The following UVRAG variants were observed in gnomAD, a reference collection of about 807,000 sequenced individuals.
UVRAG encodes UV radiation resistance-associated gene protein.
A neutral mutation model predicts 78.0 loss-of-function variants in UVRAG; 19 were observed. That is an observed-to-expected ratio of 0.24 (90% confidence interval 0.17 to 0.36). The LOEUF (loss-of-function observed/expected upper bound fraction) is 0.36, where lower values mean the gene tolerates loss of function less well. Among genes scored for constraint, UVRAG ranks in the 10% least tolerant of loss-of-function variants. UVRAG has a pLI of 1.00. For synonymous variants in UVRAG, 323 were observed against 324.6 expected (o/e 1.00, Z 0.05); for missense variants, 740 against 853.8 (o/e 0.87, Z 1.66).
At chr11:76,053,304 TCAAAA>T (rs774022468) in intron 12 of UVRAG, among the ~76,000 whole-genome samples, 1 of 128,060 alleles carries the variant, frequency 7.8e-6, no homozygotes, top group Non-Finnish European at 1.6e-5. Flanking sequence ...AGACTCTGTC[TCAAAA>T]CACACACACA....
rs555962032 is a variant in UVRAG, at chr11:76,091,888, G to A, written c.1306-24036G>A. ...CTAGGGTACATGTCCACAACGTGCAGGTTTGTTACATATGTATACATGTGC... is the reference window on the plus strand; with the variant it reads ...CTAGGGTACATGTCCACAACGTGCAAGTTTGTTACATATGTATACATGTGC... On this transcript the variant is annotated intron_variant, in intron 13 of 14. Transcript: ENST00000356136. Among the ~76,000 whole-genome samples, 7 of 151,898 alleles carry A rather than the reference G, an allele frequency of 4.6e-5. No individual in the cohort carries two copies. The East Asian group carries it at 1.4e-3, about 29-fold the overall frequency.
chr11:75,905,746 T>G (rs182123721), intron 5 of UVRAG, among the ~76,000 whole-genome samples: 1 of 152,332 alleles, frequency 6.6e-6, no homozygotes. Context: ...TTTTGACTGT[T>G]GTGAATAGTG....
intron 13 of UVRAG, among the ~76,000 whole-genome samples, chr11:76,066,493 G>A: frequency 6.6e-6 from 1 of 151,714 alleles, no homozygotes; most frequent in Admixed American, 6.6e-5. Flanking sequence ...TTGTTTTTGA[G>A]ATGGAGTCTT....
At chr11:76,029,105 TA>T (rs1950387496) in intron 12 of UVRAG, among the ~76,000 whole-genome samples, 1 of 152,182 alleles carries the variant, frequency 6.6e-6, no homozygotes, top group Admixed American at 6.6e-5. Flanking sequence ...TGATGCTAAC[TA>T]TACTCTGTGT....
chr11:76,140,061 C>T (rs1441633491), intron 14 of UVRAG, among the ~76,000 whole-genome samples: 1 of 20,854 alleles, frequency 4.8e-5, no homozygotes, highest in African/African-American at 2.2e-4. Context: ...CTCTCTCTCT[C>T]CCTCCCTCCC....
intron 7 of UVRAG, among the ~76,000 whole-genome samples, chr11:75,979,041 C>G (rs1949324431): frequency 6.6e-6 from 1 of 152,192 alleles, no homozygotes; most frequent in East Asian, 1.9e-4. Context: ...TGGTGACGTA[C>G]AGATGGGGTT....
chr11:75,991,231 T>TTTCATCTTCTGTGAAAAGAC (rs1949600364), intron 8 of UVRAG, among the ~76,000 whole-genome samples: 1 of 152,212 alleles, frequency 6.6e-6, no homozygotes, highest in Admixed American at 6.5e-5. Context: ...CTTCAAAAGA[T>TTTCATCTTCTGTGAAAAGAC]TTCATCTTCT....
At chr11:75,905,193 T>C (rs1947588547) in intron 5 of UVRAG, among the ~76,000 whole-genome samples, 1 of 152,222 alleles carries the variant, frequency 6.6e-6, no homozygotes. Flanking sequence ...ATTTGGATTT[T>C]GTTGCTGATT....
chr11:76,035,970 A>G (rs978532478), intron 12 of UVRAG, among the ~76,000 whole-genome samples: 6 of 152,204 alleles, frequency 3.9e-5, no homozygotes, highest in African/African-American at 1.2e-4. Flanking sequence ...AGAAAGAAGT[A>G]CAATCTGATT....
At chr11:75,944,921 CAGT>C (rs1342393677) in intron 6 of UVRAG, among the ~76,000 whole-genome samples, 1 of 152,022 alleles carries the variant, frequency 6.6e-6, no homozygotes, top group African/African-American at 2.4e-5. Flanking sequence ...AACCTTTAGT[CAGT>C]AGTCAAGTCA....
intron 2 of UVRAG, among the ~76,000 whole-genome samples, chr11:75,856,460 A>AT (rs1057378969): frequency 1.1e-4 from 16 of 151,116 alleles, no homozygotes; most frequent in Non-Finnish European, 2.4e-4. Flanking sequence ...ATTTTTATTT[A>AT]TTTTTTATGA....
At position 75,890,162 on chromosome 11, in the gene UVRAG, A is replaced by AT. The variant is rs1947183689; in HGVS notation, c.507+1263dup. On this transcript the variant is annotated intron_variant, in intron 5 of 14. Transcript: ENST00000356136. ...CCACAGCACGCAGAACTTTTAAAGG[A>AT]TTTTACCCTAAGAACAGGGGTCTTT... is the stretch of plus-strand genomic sequence containing the variant. Among the ~76,000 whole-genome samples, 4 of 152,300 alleles carry AT rather than the reference A, an allele frequency of 2.6e-5. No individual in the cohort carries two copies. The South Asian group carries it at 8.3e-4, about 32-fold the overall frequency.
chr11:75,823,941 A>G (rs1301069412), intron 1 of UVRAG, among the ~76,000 whole-genome samples: 1 of 152,218 alleles, frequency 6.6e-6, no homozygotes, highest in African/African-American at 2.4e-5. Context: ...AACATGATAG[A>G]AGCAGAAAAG....
At chr11:75,990,235 T>C (rs993744414) in intron 8 of UVRAG, among the ~76,000 whole-genome samples, 1 of 152,244 alleles carries the variant, frequency 6.6e-6, no homozygotes, top group Admixed American at 6.5e-5. Flanking sequence ...CAGAATGCCT[T>C]GTTTCACAAG....
At chr11:76,042,020 G>A (rs1360950298) in intron 12 of UVRAG, among the ~76,000 whole-genome samples, 1 of 152,130 alleles carries the variant, frequency 6.6e-6, no homozygotes, top group Non-Finnish European at 1.5e-5. Flanking sequence ...CAATTTGTCA[G>A]AATCTAGTAA....
chr11:75,960,495 A>G (rs1263238482), intron 6 of UVRAG, among the ~76,000 whole-genome samples: 1 of 152,178 alleles, frequency 6.6e-6, no homozygotes, highest in Admixed American at 6.5e-5. Context: ...GGCCAGGTGC[A>G]GTGGCATAGG....
intron 13 of UVRAG, among the ~76,000 whole-genome samples, chr11:76,087,937 C>G (rs1951620418): frequency 6.6e-6 from 1 of 152,214 alleles, no homozygotes; most frequent in Non-Finnish European, 1.5e-5. Context: ...CGCAGTGGTG[C>G]AATCACAGCT....
chr11:75,898,934 C>T (rs1947418885), intron 5 of UVRAG, among the ~76,000 whole-genome samples: 2 of 151,730 alleles, frequency 1.3e-5, no homozygotes, highest in Admixed American at 6.6e-5. Flanking sequence ...AGTACGCAAG[C>T]AGAACATCAT....
intron 12 of UVRAG, among the ~76,000 whole-genome samples, chr11:76,020,104 T>G (rs1040107827): frequency 1.3e-5 from 2 of 152,288 alleles, no homozygotes; most frequent in East Asian, 3.9e-4. Context: ...TCTCTTCACT[T>G]GGCCACCATC....
Sources: gnomAD v4.1 joint callset for allele counts (sites outside exome capture counted in the v4.1 genomes callset) on GRCh38, gnomAD v4.1.1 for gene constraint, MANE v1.5 for transcripts, NCBI Gene and HGNC (gene_info 2026-07-23, HGNC 2026-07-21) for gene names.